The following NUBPL variants were observed in gnomAD, a reference collection of about 807,000 sequenced individuals.
NUBPL encodes NUBP iron-sulfur cluster assembly factor, mitochondrial.
In NUBPL, 31 loss-of-function variants were observed where a neutral mutation model predicts 45.7. The observed-to-expected ratio is 0.68, with a 90% CI of 0.51 to 0.92. The LOEUF is 0.92. Ranked by LOEUF, NUBPL falls within the 40% of genes least tolerant of loss-of-function variation. The pLI is 0.00. For synonymous variants in NUBPL, 144 were observed against 140.9 expected (o/e 1.02, Z -0.15); for missense variants, 401 against 398.7 (o/e 1.01, Z -0.05).
chr14:31,723,003 A>G (rs1232192393), intron 6 of NUBPL, among the ~76,000 whole-genome samples: 1 of 152,064 alleles, frequency 6.6e-6, no homozygotes, highest in Non-Finnish European at 1.5e-5. Flanking sequence ...TGTCTTTGTC[A>G]TGAAATCTTT....
chr14:31,620,876 G>A (rs573190173), intron 4 of NUBPL, among the ~76,000 whole-genome samples: 67 of 152,136 alleles, frequency 4.4e-4, no homozygotes, highest in Non-Finnish European at 7.6e-4. Flanking sequence ...GTGAAGCTGC[G>A]CCCACAGCCG....
intron 1 of NUBPL, 139 bp downstream of exon 1, chr14:31,561,686 A>G: frequency 1.7e-6 from 1 of 580,400 alleles, no homozygotes; most frequent in Non-Finnish European, 2.8e-6. Context: ...CCTACTTTTC[A>G]GGCAGGCCCA....
intron 4 of NUBPL, among the ~76,000 whole-genome samples, chr14:31,668,879 A>G (rs1370112687): frequency 2.6e-5 from 4 of 151,946 alleles, no homozygotes; most frequent in African/African-American, 9.7e-5. Context: ...CTTTCCCTCT[A>G]ACCAGTTCCG....
chr14:31,805,555 T>TATATACAC (rs547464722), intron 7 of NUBPL, among the ~76,000 whole-genome samples: 6 of 152,274 alleles, frequency 3.9e-5, no homozygotes, highest in Admixed American at 3.9e-4. Context: ...GAAAATATGC[T>TATATACAC]ATATACACAC....
chr14:31,695,679 G>T (rs1428594609), intron 6 of NUBPL, among the ~76,000 whole-genome samples: 2 of 152,098 alleles, frequency 1.3e-5, no homozygotes, highest in Admixed American at 6.6e-5. Flanking sequence ...CTTTCTTAAT[G>T]GAATCATGCA....
intron 10 of NUBPL, among the ~76,000 whole-genome samples, chr14:31,857,972 C>T (rs1310856580): frequency 6.6e-6 from 1 of 152,172 alleles, no homozygotes; most frequent in Non-Finnish European, 1.5e-5. Context: ...TACCAACTTA[C>T]CGTAATAGTT....
intron 3 of NUBPL, among the ~76,000 whole-genome samples, chr14:31,570,339 G>C (rs1412850508): frequency 6.6e-6 from 1 of 152,074 alleles, no homozygotes; most frequent in African/African-American, 2.4e-5. Flanking sequence ...TCATAACAGA[G>C]TAGACACCAG....
At chr14:31,611,888 G>T (rs1317698559) in intron 4 of NUBPL, among the ~76,000 whole-genome samples, 1 of 152,156 alleles carries the variant, frequency 6.6e-6, no homozygotes, top group Non-Finnish European at 1.5e-5. Context: ...AATGAAACTA[G>T]ACCCCTATCT....
rs529863499 is a variant in NUBPL at position 31,757,000 on chromosome 14, C to A, written c.514-30780C>A. On this transcript the variant is annotated intron_variant, in intron 6 of 10. Transcript: ENST00000281081. ...TTGGTTCTGTTTATATGCTGGATTA[C>A]ATTTATTAATTTGCATATATTGAAC... Among the ~76,000 whole-genome samples the A allele has an allele frequency of 3.1e-3, 478 of 151,920 alleles. 5 individuals carry two copies. The highest frequency in any genetic ancestry group is 0.011 in the African/African-American group (440 of 41,380).
chr14:31,774,071 T>C lies in NUBPL; in HGVS notation c.514-13709T>C, dbSNP rs114691162. Among the ~76,000 whole-genome samples, 993 of 152,274 alleles carry C rather than the reference T, an allele frequency of 6.5e-3. 12 individuals carry two copies. The highest frequency in any genetic ancestry group is 0.022 in the African/African-American group (930 of 41,550). ...CTTTGGTTACACCTTTCCATGCCCTTAGGATTTTAATTCTTCTTGGCCACC... is the reference window on the plus strand; with the variant it reads ...CTTTGGTTACACCTTTCCATGCCCTCAGGATTTTAATTCTTCTTGGCCACC... On this transcript the variant is annotated intron_variant, in intron 6 of 10. Transcript: ENST00000281081.
rs536333212 is a variant in NUBPL at position 31,798,094 on chromosome 14, C to G, written c.607+10221C>G. 1.2e-3 allele frequency among the ~76,000 whole-genome samples: 178 copies of G among 149,246 alleles called. 4 individuals are homozygous for G. The highest frequency in any genetic ancestry group is 4.0e-3 in the African/African-American group (156 of 38,930). ...CTCTTCTGGCTTGTAGGGTTTCTGC[C>G]GAGAGATCCGCTGTTAGTCTGATGT... is the stretch of plus-strand genomic sequence containing the variant. On this transcript the variant is annotated intron_variant, in intron 7 of 10. Transcript: ENST00000281081.
chr14:31,607,421 C>T (rs117084815), intron 4 of NUBPL, among the ~76,000 whole-genome samples: 3,411 of 151,450 alleles, frequency 0.023, 61 homozygotes, highest in Non-Finnish European at 0.035. Context: ...GGACCAGTCC[C>T]GGTATGTGAC....
At chr14:31,731,296 G>A (rs1231504636) in intron 6 of NUBPL, among the ~76,000 whole-genome samples, 10 of 152,110 alleles carry the variant, frequency 6.6e-5, no homozygotes, top group African/African-American at 2.2e-4. Flanking sequence ...CAAAGAAGAT[G>A]GTAAGAGATA....
chr14:31,625,812 T>A (rs1274416432), intron 4 of NUBPL, among the ~76,000 whole-genome samples: 3 of 151,882 alleles, frequency 2.0e-5, no homozygotes, highest in Admixed American at 2.0e-4. Context: ...GTGGGGGAGA[T>A]GAAAAAATGT....
At chr14:31,731,502 G>GT (rs1172063691) in intron 6 of NUBPL, among the ~76,000 whole-genome samples, 1 of 152,132 alleles carries the variant, frequency 6.6e-6, no homozygotes, top group Non-Finnish European at 1.5e-5. Flanking sequence ...GTTTTCTGCT[G>GT]TAACTTCTCA....
At chr14:31,769,883 C>A (rs1449850598) in intron 6 of NUBPL, among the ~76,000 whole-genome samples, 2 of 151,848 alleles carry the variant, frequency 1.3e-5, no homozygotes, top group African/African-American at 4.8e-5. Flanking sequence ...AATTGGCTGT[C>A]CTGTGGTCAC....
intron 4 of NUBPL, among the ~76,000 whole-genome samples, chr14:31,665,146 C>G (rs527826078): frequency 6.6e-6 from 1 of 151,858 alleles, no homozygotes; most frequent in East Asian, 1.9e-4. Flanking sequence ...AGTGGTCTAC[C>G]CATTTTGTTA....
chr14:31,649,598 A>T (rs1413510279), intron 4 of NUBPL, among the ~76,000 whole-genome samples: 2 of 152,252 alleles, frequency 1.3e-5, no homozygotes, highest in Non-Finnish European at 2.9e-5. Context: ...TTAAAAACAT[A>T]CAACTTTAAA....
chr14:31,852,682 T>TA (rs1206653523), intron 10 of NUBPL, among the ~76,000 whole-genome samples: 1 of 151,852 alleles, frequency 6.6e-6, no homozygotes, highest in Non-Finnish European at 1.5e-5. Flanking sequence ...AAAATAAAAA[T>TA]AAAAAAATCA....
Sources: gnomAD v4.1 joint callset for allele counts (sites outside exome capture counted in the v4.1 genomes callset) on GRCh38, gnomAD v4.1.1 for gene constraint, MANE v1.5 for transcripts, NCBI Gene and HGNC (gene_info 2026-07-23, HGNC 2026-07-21) for gene names.